Variants in PACRG observed in about 807,000 individuals in gnomAD.
The protein encoded by PACRG is parkin coregulated.
Under a neutral mutation model 29.7 loss-of-function variants are expected in PACRG, and 29 were observed. The ratio of observed to expected loss-of-function variants is 0.98; its 90% CI spans 0.73 to 1.33. The LOEUF (loss-of-function observed/expected upper bound fraction) is 1.33, where lower values mean the gene tolerates loss of function less well. Ranked by LOEUF, PACRG falls within the 40% of genes most tolerant of loss-of-function variation. The pLI is 0.00. For missense variants in PACRG, 279 were observed against 316.2 expected, an observed-to-expected ratio of 0.88 and a Z score of 0.89; for synonymous variants, 116 against 118.7, an observed-to-expected ratio of 0.98 and a Z score of 0.15.
chr6:163,176,414 A>T (rs1472114525), intron 4 of PACRG, among the ~76,000 whole-genome samples: 2 of 152,264 alleles, frequency 1.3e-5, no homozygotes, highest in Non-Finnish European at 2.9e-5. Flanking sequence ...CAGAAGGAAA[A>T]TGCTCACCAC....
chr6:163,306,485 T>C (rs1376628275), intron 4 of PACRG, among the ~76,000 whole-genome samples: 1 of 152,198 alleles, frequency 6.6e-6, no homozygotes, highest in Non-Finnish European at 1.5e-5. Flanking sequence ...TTAGCTTGCC[T>C]TTTTGTAGTC....
At chr6:163,221,354 C>A (rs545253082) in intron 4 of PACRG, among the ~76,000 whole-genome samples, 4 of 152,314 alleles carry the variant, frequency 2.6e-5, no homozygotes, top group Admixed American at 2.0e-4. Flanking sequence ...CTCTTCCGTG[C>A]GGGCAAAGGC....
At chr6:163,161,861 C>T (rs530236913) in intron 4 of PACRG, among the ~76,000 whole-genome samples, 7 of 152,206 alleles carry the variant, frequency 4.6e-5, no homozygotes, top group South Asian at 2.1e-4. Flanking sequence ...GGCTGCTTGT[C>T]GAGTATTTAG....
intron 2 of PACRG, among the ~76,000 whole-genome samples, chr6:162,917,197 A>T (rs928729813): frequency 6.6e-6 from 1 of 152,142 alleles, no homozygotes; most frequent in African/African-American, 2.4e-5. Context: ...CAGGCCAATA[A>T]TGTCTCCATT....
chr6:163,177,736 T>TTTTTTTTTTTTG (rs1779447268), intron 4 of PACRG, among the ~76,000 whole-genome samples: 2 of 143,316 alleles, frequency 1.4e-5, no homozygotes, highest in South Asian at 4.5e-4. Context: ...TTTTTTTTTT[T>TTTTTTTTTTTTG]TGCGGGTGGG....
intron 4 of PACRG, among the ~76,000 whole-genome samples, chr6:163,269,770 C>CAGAAATAA (rs1562349078): frequency 1.4e-4 from 6 of 43,082 alleles, no homozygotes; most frequent in African/African-American, 4.6e-4. Context: ...GAGAGACAGA[C>CAGAAATAA]AGACAGACAG....
rs181595576 is a variant in PACRG, at chr6:163,022,446, G to A, written c.292-39704G>A. Among the ~76,000 whole-genome samples the A allele has an allele frequency of 5.9e-3, 900 of 152,318 alleles. 7 individuals carry two copies. The highest frequency in any genetic ancestry group is 0.015 in the South Asian group (71 of 4,824). The stretch of plus-strand genomic sequence containing the variant: ...GATAAAAGCAGTCACCTCAGGGTGA[G>A]AGTCCAAGGATTCAACCGGAAGAGA... On this transcript the variant is annotated intron_variant, in intron 2 of 4. Coordinates refer to ENST00000366888, the MANE Select transcript of PACRG (RefSeq NM_001080379.2).
In PACRG at chr6:163,084,725, C is replaced by T. The variant is rs149395220; in HGVS notation, c.464-4534C>T. ...TAATCTATGTCCTAATAGTTAATAT[C>T]ATTATCCATTGTGAGAGAGATTATT... On this transcript the variant is annotated intron_variant, in intron 3 of 4. Coordinates refer to ENST00000366888, the MANE Select transcript of PACRG (RefSeq NM_001080379.2). Among the ~76,000 whole-genome samples the T allele has an allele frequency of 1.6e-3, 248 of 151,964 alleles. 1 individual carries two copies. The highest frequency in any genetic ancestry group is 5.6e-3 in the African/African-American group (232 of 41,432).
At chr6:162,938,134 A>G (rs1209983633) in intron 2 of PACRG, among the ~76,000 whole-genome samples, 1 of 152,144 alleles carries the variant, frequency 6.6e-6, no homozygotes, top group Non-Finnish European at 1.5e-5. Context: ...CTACTTATGA[A>G]TGAGAACACA....
At chr6:163,179,707 C>CAAAAAAA (rs200887172) in intron 4 of PACRG, among the ~76,000 whole-genome samples, 2 of 103,876 alleles carry the variant, frequency 1.9e-5, no homozygotes, top group African/African-American at 6.1e-5. Context: ...AGATCTGTCT[C>CAAAAAAA]AAAAAAAAAA....
At chr6:163,263,558 C>T (rs1467558560) in intron 4 of PACRG, among the ~76,000 whole-genome samples, 2 of 152,180 alleles carry the variant, frequency 1.3e-5, no homozygotes, top group Non-Finnish European at 2.9e-5. Flanking sequence ...AATTCCTCCT[C>T]TGCAGGCAAA....
chr6:162,957,775 C>A (rs759032067), intron 2 of PACRG, among the ~76,000 whole-genome samples: 4 of 151,926 alleles, frequency 2.6e-5, no homozygotes, highest in African/African-American at 9.7e-5. Context: ...GTTAGGAAAT[C>A]TAACTTGAAT....
At chr6:163,193,389 ATGAAG>A (rs1256096357) in intron 4 of PACRG, among the ~76,000 whole-genome samples, 1 of 152,224 alleles carries the variant, frequency 6.6e-6, no homozygotes, top group African/African-American at 2.4e-5. Flanking sequence ...AAGACAATGT[ATGAAG>A]AGTTAAGGTC....
chr6:162,787,824 A>AT (rs35107188), intron 1 of PACRG, among the ~76,000 whole-genome samples: 12 of 150,140 alleles, frequency 8.0e-5, no homozygotes, highest in African/African-American at 2.2e-4. Context: ...CTGTCCTCTA[A>AT]TTTTTTTTTG....
rs566066419 is a variant in PACRG at position 162,771,915 on chromosome 6, G to A, written c.157-42232G>A. ...AAGGAGAATAGTAGGGAGATGTGAC[G>A]GCTGCACAAATGACTACATTTCCAA... On this transcript the variant is annotated intron_variant, in intron 1 of 4. Transcript: ENST00000366888. Among the ~76,000 whole-genome samples, 14 of 152,204 alleles carry A rather than the reference G, an allele frequency of 9.2e-5. 1 individual carries two copies. The highest frequency in any genetic ancestry group is 6.2e-4 in the South Asian group (3 of 4,812).
chr6:162,747,325 CATATATATATATAT>C (rs1190146053), intron 1 of PACRG, among the ~76,000 whole-genome samples: 12 of 33,238 alleles, frequency 3.6e-4, no homozygotes, highest in South Asian at 1.5e-3. Context: ...TCTCCTTGCT[CATATATATATATAT>C]ATATATATAT....
chr6:162,997,073 AT>A (rs1413580777), intron 2 of PACRG, among the ~76,000 whole-genome samples: 1 of 152,172 alleles, frequency 6.6e-6, no homozygotes, highest in African/African-American at 2.4e-5. Context: ...GGCCTTTGTC[AT>A]TTTGTGATGT....
rs146702819 is a variant in PACRG at position 162,820,874 on chromosome 6, A to G, written c.291+6593A>G. ...GGCAAATTTTACAAGAGAAGTGACA[A>G]TTTACCTGATTTTTGTACAAGAGAT... On this transcript the variant is annotated intron_variant, in intron 2 of 4. Coordinates refer to ENST00000366888, the MANE Select transcript of PACRG (RefSeq NM_001080379.2). Among the ~76,000 whole-genome samples the G allele has an allele frequency of 2.0e-5, 3 of 152,188 alleles. No individual in the cohort carries two copies. In the East Asian group the frequency reaches 5.8e-4, roughly 29 times the overall value.
intron 1 of PACRG, among the ~76,000 whole-genome samples, chr6:162,795,019 G>A (rs1341040664): frequency 6.6e-6 from 1 of 152,004 alleles, no homozygotes; most frequent in African/African-American, 2.4e-5. Flanking sequence ...TATTTTAAAT[G>A]GGGTGGTTGT....
Sources: allele counts gnomAD v4.1 joint callset (sites outside exome capture counted in the v4.1 genomes callset), GRCh38; gene constraint gnomAD v4.1.1; transcripts MANE v1.5; gene names NCBI Gene and HGNC (gene_info 2026-07-23, HGNC 2026-07-21).